Variants in COBL observed in about 807,000 individuals in gnomAD.
COBL encodes protein cordon-bleu.
Under a neutral mutation model 98.8 loss-of-function variants are expected in COBL, and 51 were observed. The observed-to-expected ratio is 0.52, with a 90% CI of 0.41 to 0.65. COBL has a LOEUF of 0.65. COBL is among the 30% of genes least tolerant of loss of function. The pLI is 0.00. For synonymous variants in COBL, 634 were observed against 651.7 expected, an observed-to-expected ratio of 0.97 and a Z score of 0.41; for missense variants, 1,617 against 1,617.5, an observed-to-expected ratio of 1.00 and a Z score of 0.01.
intron 1 of COBL, among the ~76,000 whole-genome samples, chr7:51,316,034 C>T (rs1343530433): frequency 1.3e-5 from 2 of 152,218 alleles, no homozygotes; most frequent in Non-Finnish European, 2.9e-5. Context: ...TGAAACCCTC[C>T]GGGCAATCCG....
At chr7:51,266,656 G>GC (rs1466012498) in intron 1 of COBL, among the ~76,000 whole-genome samples, 1 of 152,170 alleles carries the variant, frequency 6.6e-6, no homozygotes, top group Non-Finnish European at 1.5e-5. Flanking sequence ...GCTGCTGCTT[G>GC]CAAGTACTTC....
At chr7:51,192,076 A>T (rs1358963786) in intron 3 of COBL, among the ~76,000 whole-genome samples, 4 of 152,224 alleles carry the variant, frequency 2.6e-5, no homozygotes, top group Admixed American at 6.5e-5. Flanking sequence ...CGCAAGGTAT[A>T]TACAGAGATG....
chr7:51,214,170 G>A lies in COBL; in HGVS notation c.245+5571C>T, dbSNP rs191575811. Among the ~76,000 whole-genome samples, 357 of 152,158 alleles carry A rather than the reference G, an allele frequency of 2.3e-3. 1 individual carries two copies. The highest frequency in any genetic ancestry group is 8.2e-3 in the African/African-American group (341 of 41,510). On this transcript the variant is annotated intron_variant, in intron 2 of 12. Transcript: ENST00000265136. ...AATCCCAGCTACTCGGGAGGCTGAGGCAAGAGAATCACTTGAACCTCGGAG... is the reference window on the plus strand; with the variant it reads ...AATCCCAGCTACTCGGGAGGCTGAGACAAGAGAATCACTTGAACCTCGGAG...
At chr7:51,150,909 A>G (rs1443000324) in intron 5 of COBL, among the ~76,000 whole-genome samples, 1 of 152,140 alleles carries the variant, frequency 6.6e-6, no homozygotes, top group East Asian at 1.9e-4. Flanking sequence ...CTCTTTTCAG[A>G]TGCTCAGTTG....
chr7:51,075,566 T>C (rs1792988806), intron 7 of COBL, among the ~76,000 whole-genome samples: 1 of 152,228 alleles, frequency 6.6e-6, no homozygotes. Context: ...TATGTCTATA[T>C]AATTTACTTT....
At chr7:51,097,278 T>A (rs1795352735) in intron 6 of COBL, among the ~76,000 whole-genome samples, 1 of 152,036 alleles carries the variant, frequency 6.6e-6, no homozygotes. Context: ...ACTCAACAAC[T>A]AGGAATCAAA....
At chr7:51,043,741 C>T (rs760115222) in intron 7 of COBL, 49 bp from the exon 8 acceptor site, 1 of 1,517,362 alleles carries the variant, frequency 6.6e-7, no homozygotes, top group Middle Eastern at 1.8e-4. Context: ...CTCTGGCGTC[C>T]ATACTGCCTA....
chr7:51,269,445 G>C (rs1798552735), intron 1 of COBL, among the ~76,000 whole-genome samples: 1 of 152,286 alleles, frequency 6.6e-6, no homozygotes, highest in South Asian at 2.1e-4. Context: ...GGGTCCAGAC[G>C]CAACTGCCAC....
intron 5 of COBL, among the ~76,000 whole-genome samples, chr7:51,181,436 A>AT (rs1351791330): frequency 2.6e-5 from 4 of 152,230 alleles, no homozygotes; most frequent in African/African-American, 9.6e-5. Flanking sequence ...ACTGGATGCC[A>AT]TAACTCATCT....
chr7:51,117,904 C>T (rs1797418546), intron 6 of COBL, among the ~76,000 whole-genome samples: 1 of 152,152 alleles, frequency 6.6e-6, no homozygotes, highest in African/African-American at 2.4e-5. Context: ...AGTCCTGTTT[C>T]TTGAGCAGCA....
rs777620042 is a variant in COBL, at chr7:51,029,425, A to G, written c.1671T>C (p.Phe557=). The change falls in exon 10 of 13, where the codon TTT becomes TTC. Residue 557 remains phenylalanine, a synonymous_variant. Transcript: ENST00000265136. ...ACCCAGCATTGTTGTTTCTATTGGA[A>G]AACAACCCCGAATCCACAGGATCAT... ...VSDDPVDSGL[F]SNRNNNAGSF... is the part of the protein sequence containing the mutation. The G allele has an allele frequency of 6.2e-7, 1 of 1,614,160 alleles. No individual in the cohort carries two copies. The highest frequency in any genetic ancestry group is 8.5e-7 in the Non-Finnish European group (1 of 1,180,014).
At chr7:51,094,170 A>C (rs1049851514) in intron 6 of COBL, among the ~76,000 whole-genome samples, 2 of 152,058 alleles carry the variant, frequency 1.3e-5, no homozygotes, top group Non-Finnish European at 2.9e-5. Context: ...TGTGGAATCT[A>C]AAACAGTTGA....
In COBL at chr7:51,141,602, C is replaced by T. The variant is rs77475303; in HGVS notation, c.784-5271G>A. Among the ~76,000 whole-genome samples the T allele has an allele frequency of 2.3e-3, 349 of 151,728 alleles. 3 individuals are homozygous for T. The South Asian group carries it at 0.037, about 16-fold the overall frequency. Reference sequence around the variant, plus strand: ...CTGCCTGCAGCCTCCTCTCCTTAGACGATGCTGCCCCCTTTTGAAAGGCTT... The same window carrying T: ...CTGCCTGCAGCCTCCTCTCCTTAGATGATGCTGCCCCCTTTTGAAAGGCTT... On this transcript the variant is annotated intron_variant, in intron 5 of 12. Transcript: ENST00000265136.
chr7:51,289,464 C>G (rs1379210665), intron 1 of COBL, among the ~76,000 whole-genome samples: 1 of 152,214 alleles, frequency 6.6e-6, no homozygotes, highest in Non-Finnish European at 1.5e-5. Flanking sequence ...AGCTTATGAT[C>G]TTCCATGGCT....
At chr7:51,037,121 A>G in intron 8 of COBL, among the ~76,000 whole-genome samples, 1 of 152,090 alleles carries the variant, frequency 6.6e-6, no homozygotes. Context: ...ACACATATAT[A>G]TGTGTCTATT....
intron 2 of COBL, among the ~76,000 whole-genome samples, chr7:51,195,079 T>C (rs1790466079): frequency 6.6e-6 from 1 of 152,144 alleles, no homozygotes. Context: ...GTCTTCGTCA[T>C]AAAATTTTGA....
intron 6 of COBL, among the ~76,000 whole-genome samples, chr7:51,088,215 T>C (rs1794466190): frequency 1.3e-5 from 2 of 152,148 alleles, no homozygotes; most frequent in African/African-American, 4.8e-5. Flanking sequence ...TTTTTAGTGT[T>C]ATTCTTTTCA....
chr7:51,183,778 G>A (rs1789222688), intron 5 of COBL, among the ~76,000 whole-genome samples: 1 of 152,160 alleles, frequency 6.6e-6, no homozygotes, highest in Non-Finnish European at 1.5e-5. Context: ...AAGATTTACT[G>A]AGTTTCAGCC....
At chr7:51,152,575 G>C (rs1435557668) in intron 5 of COBL, among the ~76,000 whole-genome samples, 1 of 152,176 alleles carries the variant, frequency 6.6e-6, no homozygotes, top group African/African-American at 2.4e-5. Flanking sequence ...ACATTTTCAA[G>C]GTTTCCCAGG....
Sources: gnomAD v4.1 joint callset for allele counts (sites outside exome capture counted in the v4.1 genomes callset) on GRCh38, gnomAD v4.1.1 for gene constraint, MANE v1.5 for transcripts, NCBI Gene and HGNC (gene_info 2026-07-23, HGNC 2026-07-21) for gene names.